The following EVI5 variants were observed in gnomAD, a reference collection of about 807,000 sequenced individuals.
EVI5 encodes the protein ecotropic viral integration site 5 protein homolog.
EVI5 carries 73 observed loss-of-function variants against 112.0 expected under a neutral mutation model. The ratio of observed to expected loss-of-function variants is 0.65; its 90% CI spans 0.54 to 0.79. The LOEUF is 0.79. Among genes scored for constraint, EVI5 ranks in the 30% least tolerant of loss-of-function variants. The pLI is 0.00. For missense variants in EVI5, 900 were observed against 968.8 expected (o/e 0.93, Z 0.94); for synonymous variants, 305 against 319.9 (o/e 0.95, Z 0.50).
At chr1:92,585,830 C>T (rs1348710320) in intron 18 of EVI5, among the ~76,000 whole-genome samples, 1 of 150,790 alleles carries the variant, frequency 6.6e-6, no homozygotes, top group Non-Finnish European at 1.5e-5. Context: ...TTCAGATTTC[C>T]TTTGCCTTTG....
chr1:92,674,078 T>C (rs1572225809), intron 10 of EVI5, among the ~76,000 whole-genome samples: 1 of 152,192 alleles, frequency 6.6e-6, no homozygotes, highest in Non-Finnish European at 1.5e-5. Flanking sequence ...AAGAAAGTAC[T>C]AGTTTACAAC....
In EVI5 at chr1:92,629,017, C is replaced by A. The variant is rs189837149; in HGVS notation, c.1528-3083G>T. On this transcript the variant is annotated intron_variant, in intron 14 of 19. Transcript: ENST00000684568. Reference sequence around the variant, plus strand: ...ACATGAAAAACAACACAGCCACTTACGAAATCCATTTTTGAATGGAACCCA... The same window carrying A: ...ACATGAAAAACAACACAGCCACTTAAGAAATCCATTTTTGAATGGAACCCA... 2.0e-4 allele frequency among the ~76,000 whole-genome samples: 30 copies of A among 152,276 alleles called. 1 individual carries two copies. Among genetic ancestry groups the A allele is most frequent in the Middle Eastern group, 6.8e-3 (2 of 294 alleles).
At chr1:92,629,847 C>T (rs1021473482) in intron 14 of EVI5, among the ~76,000 whole-genome samples, 6 of 133,702 alleles carry the variant, frequency 4.5e-5, no homozygotes, top group Non-Finnish European at 9.4e-5. Flanking sequence ...CCCCAGGGTG[C>T]GATGTTCCCC....
At chr1:92,678,982 A>G (rs1667181067) in intron 9 of EVI5, among the ~76,000 whole-genome samples, 1 of 152,282 alleles carries the variant, frequency 6.6e-6, no homozygotes, top group Non-Finnish European at 1.5e-5. Flanking sequence ...GCAGTCCCCA[A>G]CCCCTGGGCA....
intron 14 of EVI5, among the ~76,000 whole-genome samples, chr1:92,631,355 T>C (rs12139782): frequency 0.92 from 139,673 of 151,640 alleles, 64,410 homozygotes; most frequent in East Asian, 0.97. Context: ...TTTTATTTCA[T>C]TGAGCAGTGG....
intron 19 of EVI5, among the ~76,000 whole-genome samples, chr1:92,516,677 G>A (rs904267952): frequency 3.9e-5 from 6 of 152,092 alleles, no homozygotes; most frequent in Admixed American, 3.3e-4. Context: ...TGAACTTCAG[G>A]TAGACATGTC....
intron 1 of EVI5, among the ~76,000 whole-genome samples, chr1:92,737,610 A>C (rs1677650221): frequency 8.4e-6 from 1 of 119,418 alleles, no homozygotes; most frequent in African/African-American, 2.9e-5. Context: ...ATATGAACAT[A>C]TGTACACACA....
chr1:92,631,835 A>T (rs182838983), intron 14 of EVI5, among the ~76,000 whole-genome samples: 1 of 152,324 alleles, frequency 6.6e-6, no homozygotes, highest in East Asian at 1.9e-4. Flanking sequence ...AACAGCTCTT[A>T]TGATTTTGAG....
At chr1:92,626,935 AAATT>A (rs1385286784) in intron 14 of EVI5, among the ~76,000 whole-genome samples, 1 of 152,240 alleles carries the variant, frequency 6.6e-6, no homozygotes, top group Admixed American at 6.5e-5. Flanking sequence ...AACAGTCAAG[AAATT>A]AATACAAATT....
At chr1:92,616,795 T>C (rs886225623) in intron 16 of EVI5, among the ~76,000 whole-genome samples, 4 of 152,162 alleles carry the variant, frequency 2.6e-5, no homozygotes, top group South Asian at 2.1e-4. Flanking sequence ...GAAGTGACTA[T>C]GGGTCATCAA....
At chr1:92,628,846 T>C (rs185262358) in intron 14 of EVI5, among the ~76,000 whole-genome samples, 2 of 152,372 alleles carry the variant, frequency 1.3e-5, no homozygotes, top group Admixed American at 1.3e-4. Flanking sequence ...TTTCTTATAA[T>C]GGACTTTAAA....
At chr1:92,742,641 C>A (rs1045783201) in intron 1 of EVI5, among the ~76,000 whole-genome samples, 18 of 151,460 alleles carry the variant, frequency 1.2e-4, no homozygotes, top group Non-Finnish European at 2.4e-4. Flanking sequence ...CCATTGCACT[C>A]CAGCCTGGGC....
rs1557899777 is a variant in EVI5 at position 92,612,727 on chromosome 1, A to AAG, written c.1828-5001_1828-5000insCT. Among the ~76,000 whole-genome samples, 360 of 52,674 alleles carry AAG rather than the reference A, an allele frequency of 6.8e-3. 2 individuals are homozygous for AAG. The highest frequency in any genetic ancestry group is 0.013 in the Middle Eastern group (1 of 76). The allele number at this position is 52,674 out of a possible 152,430, so 34.6% of individuals were successfully genotyped here. On this transcript the variant is annotated intron_variant, in intron 16 of 19. Coordinates refer to ENST00000684568, the MANE Select transcript of EVI5 (RefSeq NM_001350197.2). ...TCCATCTCAAAAAAAAAAAAAAAGG[A>AAG]AAAAAAAAAAAAAAGCCAGCCAAAC... is the stretch of plus-strand genomic sequence containing the variant.
chr1:92,597,619 T>C (rs1417201963), intron 18 of EVI5, among the ~76,000 whole-genome samples: 1 of 152,214 alleles, frequency 6.6e-6, no homozygotes, highest in African/African-American at 2.4e-5. Context: ...GACAACTGCA[T>C]ACATTAAAAA....
At chr1:92,727,269 G>A (rs1444811548) in intron 2 of EVI5, among the ~76,000 whole-genome samples, 1 of 152,056 alleles carries the variant, frequency 6.6e-6, no homozygotes, top group Non-Finnish European at 1.5e-5. Context: ...ATTCTGAATG[G>A]GAGTTTGGAT....
intron 18 of EVI5, among the ~76,000 whole-genome samples, chr1:92,596,736 A>C (rs1478447091): frequency 6.6e-6 from 1 of 152,184 alleles, no homozygotes; most frequent in Non-Finnish European, 1.5e-5. Flanking sequence ...CTGGGATTAC[A>C]GGTGTGAGCC....
intron 19 of EVI5, among the ~76,000 whole-genome samples, chr1:92,561,662 TATCA>T (rs371121928): frequency 0.059 from 7,288 of 123,050 alleles, 225 homozygotes; most frequent in Middle Eastern, 0.12. Context: ...TCTATCTATC[TATCA>T]GAGTCTCACT....
intron 18 of EVI5, among the ~76,000 whole-genome samples, chr1:92,600,087 T>C (rs1648796524): frequency 1.3e-5 from 2 of 152,142 alleles, no homozygotes; most frequent in African/African-American, 4.8e-5. Context: ...GAAATGTTAT[T>C]ATAGACTCAA....
intron 19 of EVI5, among the ~76,000 whole-genome samples, chr1:92,552,691 T>C (rs1193517032): frequency 6.6e-6 from 1 of 152,224 alleles, no homozygotes; most frequent in Non-Finnish European, 1.5e-5. Context: ...ATTCTTTAAG[T>C]TGGCTGCGCA....
Sources: gnomAD v4.1 joint callset for allele counts (sites outside exome capture counted in the v4.1 genomes callset) on GRCh38, gnomAD v4.1.1 for gene constraint, MANE v1.5 for transcripts, NCBI Gene and HGNC (gene_info 2026-07-23, HGNC 2026-07-21) for gene names.